The following TRAM2 variants were observed in gnomAD, a reference collection of about 807,000 sequenced individuals.
TRAM2 encodes the protein translocating chain-associated membrane protein 2.
TRAM2 carries 12 observed loss-of-function variants against 51.0 expected under a neutral mutation model. The ratio of observed to expected loss-of-function variants is 0.24; its 90% CI spans 0.15 to 0.38. TRAM2 has a LOEUF of 0.38. Ranked by LOEUF, TRAM2 falls within the 10% of genes least tolerant of loss-of-function variation. The pLI is 1.00. For synonymous variants in TRAM2, 175 were observed against 179.4 expected (o/e 0.98, Z 0.20); for missense variants, 361 against 462.0 (o/e 0.78, Z 2.00).
intron 1 of TRAM2, among the ~76,000 whole-genome samples, chr6:52,542,302 T>G (rs1581886796): frequency 6.6e-6 from 1 of 151,946 alleles, no homozygotes; most frequent in Non-Finnish European, 1.5e-5. Context: ...TTAGCCTTTT[T>G]TCCTGGAGTG....
At chr6:52,569,200 G>C (rs892455434) in intron 1 of TRAM2, among the ~76,000 whole-genome samples, 4 of 152,066 alleles carry the variant, frequency 2.6e-5, no homozygotes, top group Admixed American at 1.3e-4. Flanking sequence ...TTCGAGACCA[G>C]CCTGGCCAAA....
intron 1 of TRAM2, among the ~76,000 whole-genome samples, chr6:52,554,984 G>A (rs762909908): frequency 2.6e-5 from 4 of 152,134 alleles, no homozygotes; most frequent in Admixed American, 6.5e-5. Flanking sequence ...GAAGTGCTGA[G>A]ATAACAAGTG....
At chr6:52,509,651 C>T in intron 4 of TRAM2, 65 bp from the exon 5 acceptor site, 1 of 1,522,370 alleles carries the variant, frequency 6.6e-7, no homozygotes, top group East Asian at 2.3e-5. Flanking sequence ...GGCCCTGGGA[C>T]CGGTCCAGGG....
At chr6:52,503,606 C>T (rs1033861674) in intron 10 of TRAM2, among the ~76,000 whole-genome samples, 3 of 152,104 alleles carry the variant, frequency 2.0e-5, no homozygotes, top group Non-Finnish European at 4.4e-5. Context: ...GCTAGATACT[C>T]GCCGAAATCA....
chr6:52,568,707 CG>C (rs1466618877), intron 1 of TRAM2, among the ~76,000 whole-genome samples: 1 of 152,152 alleles, frequency 6.6e-6, no homozygotes, highest in African/African-American at 2.4e-5. Context: ...TAGCCACAGA[CG>C]TCTTCATAAC....
chr6:52,577,002 C>A lies in TRAM2; in HGVS notation c.-87G>T. 7.6e-7 allele frequency: 1 copy of A among 1,312,420 alleles called. No individual in the cohort carries two copies. Among genetic ancestry groups the A allele is most frequent in the Non-Finnish European group, 9.7e-7 (1 of 1,034,118 alleles). The allele number at this position is 1,312,420 out of a possible 1,614,324, so 81.3% of individuals were successfully genotyped here. Reference sequence around the variant, plus strand: ...CTTCTCCAGCACCGGCCCGGTCCGCCCGCCGGCCCGCCGCCCGCTCTCCCA... The same window carrying A: ...CTTCTCCAGCACCGGCCCGGTCCGCACGCCGGCCCGCCGCCCGCTCTCCCA... On this transcript the variant is annotated 5_prime_UTR_variant, in exon 1 of 11. Transcript: ENST00000182527.
At chr6:52,535,106 A>G (rs1430174535) in intron 2 of TRAM2, among the ~76,000 whole-genome samples, 1 of 152,168 alleles carries the variant, frequency 6.6e-6, no homozygotes, top group Non-Finnish European at 1.5e-5. Flanking sequence ...TGCACTATCA[A>G]AACGCAACAT....
chr6:52,576,999 C>G lies in TRAM2; in HGVS notation c.-84G>C. Reference sequence around the variant, plus strand: ...AAACTTCTCCAGCACCGGCCCGGTCCGCCCGCCGGCCCGCCGCCCGCTCTC... The same window carrying G: ...AAACTTCTCCAGCACCGGCCCGGTCGGCCCGCCGGCCCGCCGCCCGCTCTC... On this transcript the variant is annotated 5_prime_UTR_variant, in exon 1 of 11. Transcript: ENST00000182527. 1 of 1,320,902 alleles carries G rather than the reference C, an allele frequency of 7.6e-7. No homozygotes were observed. The highest frequency in any genetic ancestry group is 9.6e-7 in the Non-Finnish European group (1 of 1,040,208). 81.8% of individuals were successfully genotyped at this position (1,320,902 alleles called of 1,614,324 possible).
At position 52,577,013 on chromosome 6, in the gene TRAM2, C is replaced by G; in HGVS notation, c.-98G>C. On this transcript the variant is annotated 5_prime_UTR_variant, in exon 1 of 11. Coordinates refer to ENST00000182527, the MANE Select transcript of TRAM2 (RefSeq NM_012288.4). ...CCGGCCCGGTCCGCCCGCCGGCCCGCCGCCCGCTCTCCCACAGCCGCTCGC... is the reference window on the plus strand; with the variant it reads ...CCGGCCCGGTCCGCCCGCCGGCCCGGCGCCCGCTCTCCCACAGCCGCTCGC... 7.7e-7 allele frequency: 1 copy of G among 1,294,020 alleles called. No homozygotes were observed. The allele number at this position is 1,294,020 out of a possible 1,614,324, so 80.2% of individuals were successfully genotyped here.
chr6:52,517,430 T>C (rs192839525), intron 2 of TRAM2: 7 of 152,378 alleles, frequency 4.6e-5, no homozygotes, highest in Non-Finnish European at 2.9e-5. Flanking sequence ...AAGGATCAAA[T>C]GAGATAATTT....
intron 1 of TRAM2, among the ~76,000 whole-genome samples, chr6:52,554,823 G>A (rs1767375272): frequency 6.8e-6 from 1 of 147,874 alleles, no homozygotes. Context: ...CTGGAGTGCA[G>A]TGGGGTGCAA....
intron 2 of TRAM2, chr6:52,524,619 A>C (rs1278865220): frequency 2.0e-5 from 3 of 152,196 alleles, no homozygotes; most frequent in Non-Finnish European, 4.4e-5. Context: ...GCTGTACAGG[A>C]AAGTGTTTTA....
At chr6:52,555,137 G>C (rs1181969068) in intron 1 of TRAM2, among the ~76,000 whole-genome samples, 1 of 152,196 alleles carries the variant, frequency 6.6e-6, no homozygotes, top group Non-Finnish European at 1.5e-5. Context: ...GTAACACTTT[G>C]ATTTATGTTA....
At chr6:52,561,204 T>C (rs1223813809) in intron 1 of TRAM2, among the ~76,000 whole-genome samples, 4 of 152,014 alleles carry the variant, frequency 2.6e-5, no homozygotes, top group South Asian at 2.1e-4. Context: ...AAGTAGAGAG[T>C]TGTTGCTGGG....
chr6:52,554,200 T>C (rs1287101500), intron 1 of TRAM2, among the ~76,000 whole-genome samples: 1 of 152,158 alleles, frequency 6.6e-6, no homozygotes, highest in East Asian at 1.9e-4. Flanking sequence ...TGGGAAGGGA[T>C]GCGGAGGCAG....
intron 1 of TRAM2, among the ~76,000 whole-genome samples, chr6:52,540,201 G>A (rs1172177784): frequency 6.6e-6 from 1 of 151,614 alleles, no homozygotes; most frequent in East Asian, 2.0e-4. Context: ...GAGAGATAAA[G>A]TAGCCTCCCG....
At chr6:52,563,912 A>AT (rs397780293) in intron 1 of TRAM2, among the ~76,000 whole-genome samples, 2 of 150,800 alleles carry the variant, frequency 1.3e-5, no homozygotes, top group African/African-American at 2.4e-5. Flanking sequence ...AAAAAAAAAA[A>AT]TTTAAGCTTT....
chr6:52,535,691 A>G (rs1202889545), intron 2 of TRAM2, 92 bp downstream of exon 2: 25 of 1,287,080 alleles, frequency 1.9e-5, no homozygotes, highest in Non-Finnish European at 2.7e-5. Context: ...TGGGGGAAAA[A>G]AAAAAAATTG....
intron 1 of TRAM2, among the ~76,000 whole-genome samples, chr6:52,559,522 AC>A (rs1767463360): frequency 1.3e-5 from 2 of 152,360 alleles, no homozygotes; most frequent in East Asian, 3.9e-4. Flanking sequence ...AGTATCTGCC[AC>A]ACAGGCTGAT....
Sources: gnomAD v4.1 joint callset for allele counts (sites outside exome capture counted in the v4.1 genomes callset) on GRCh38, gnomAD v4.1.1 for gene constraint, MANE v1.5 for transcripts, NCBI Gene and HGNC (gene_info 2026-07-23, HGNC 2026-07-21) for gene names.